Variants in EFNA5 observed in about 807,000 individuals in gnomAD.
The protein encoded by EFNA5 is ephrin A5.
EFNA5 carries 5 observed loss-of-function variants against 22.9 expected under a neutral mutation model. The ratio of observed to expected loss-of-function variants is 0.22; its 90% CI spans 0.11 to 0.46. EFNA5 has a LOEUF of 0.46. Ranked by LOEUF, EFNA5 falls within the 20% of genes least tolerant of loss-of-function variation. The pLI, the probability that EFNA5 is intolerant of heterozygous loss-of-function variation, is 0.99. For missense variants in EFNA5, 237 were observed against 293.3 expected (o/e 0.81, Z 1.40); for synonymous variants, 113 against 112.2 (o/e 1.01, Z -0.04).
intron 1 of EFNA5, among the ~76,000 whole-genome samples, chr5:107,453,879 G>A (rs562612929): frequency 2.0e-5 from 3 of 152,142 alleles, no homozygotes; most frequent in East Asian, 1.9e-4. Flanking sequence ...TGATTGTGAC[G>A]GTTTTGATTA....
intron 1 of EFNA5, among the ~76,000 whole-genome samples, chr5:107,484,713 AGTGAGATACT>A (rs1413799322): frequency 6.6e-6 from 1 of 152,202 alleles, no homozygotes; most frequent in Non-Finnish European, 1.5e-5. Flanking sequence ...TGAAGAATTA[AGTGAGATACT>A]GTATCTAACA....
intron 1 of EFNA5, among the ~76,000 whole-genome samples, chr5:107,468,986 T>C (rs558118872): frequency 1.3e-5 from 2 of 152,220 alleles, no homozygotes; most frequent in Admixed American, 1.3e-4. Context: ...CTAGCACACC[T>C]GGTAAAATTT....
intron 1 of EFNA5, among the ~76,000 whole-genome samples, chr5:107,458,974 A>AT (rs1392803318): frequency 6.6e-6 from 1 of 152,142 alleles, no homozygotes; most frequent in African/African-American, 2.4e-5. Context: ...ACAAATTTTG[A>AT]TTTTTGTACC....
At chr5:107,601,478 T>C (rs565843327) in intron 1 of EFNA5, among the ~76,000 whole-genome samples, 1 of 152,140 alleles carries the variant, frequency 6.6e-6, no homozygotes, top group Non-Finnish European at 1.5e-5. Context: ...GAATCAAGCA[T>C]ACAAAATCAA....
At chr5:107,461,948 G>C (rs987510647) in intron 1 of EFNA5, among the ~76,000 whole-genome samples, 2 of 152,110 alleles carry the variant, frequency 1.3e-5, no homozygotes, top group Non-Finnish European at 1.5e-5. Context: ...AAAGCAGCCC[G>C]GTACTTTCTG....
At chr5:107,460,404 T>C (rs767611613) in intron 1 of EFNA5, among the ~76,000 whole-genome samples, 10 of 152,164 alleles carry the variant, frequency 6.6e-5, no homozygotes, top group Non-Finnish European at 1.3e-4. Context: ...GAACTATCCA[T>C]GAGTGCAAAA....
intron 2 of EFNA5, among the ~76,000 whole-genome samples, chr5:107,413,975 A>G (rs1049076933): frequency 2.0e-5 from 3 of 152,292 alleles, no homozygotes; most frequent in African/African-American, 7.2e-5. Context: ...CTCAAGACTG[A>G]TGGTACTGTT....
At chr5:107,566,534 C>T (rs979416914) in intron 1 of EFNA5, among the ~76,000 whole-genome samples, 8 of 152,208 alleles carry the variant, frequency 5.3e-5, no homozygotes, top group Admixed American at 2.6e-4. Context: ...ATTTCCAATG[C>T]TTTTCTTAAT....
intron 2 of EFNA5, among the ~76,000 whole-genome samples, chr5:107,398,562 C>T (rs534682124): frequency 1.1e-3 from 163 of 152,054 alleles, no homozygotes; most frequent in African/African-American, 3.6e-3. Flanking sequence ...AAAAATCTGT[C>T]GAGGCCAGGC....
intron 1 of EFNA5, among the ~76,000 whole-genome samples, chr5:107,435,315 C>CTTTTTTTTTTTT (rs3999107): frequency 9.6e-4 from 100 of 104,636 alleles, no homozygotes; most frequent in African/African-American, 1.6e-3. Context: ...TGAAGATGCT[C>CTTTTTTTTTTTT]TTTTTTTTTT....
chr5:107,444,577 T>C (rs538204215), intron 1 of EFNA5, among the ~76,000 whole-genome samples: 2 of 152,354 alleles, frequency 1.3e-5, no homozygotes, highest in South Asian at 4.1e-4. Flanking sequence ...TCTTTTCAAT[T>C]TTAAATAGTC....
At chr5:107,437,061 A>G (rs1749129124) in intron 1 of EFNA5, among the ~76,000 whole-genome samples, 1 of 152,218 alleles carries the variant, frequency 6.6e-6, no homozygotes, top group Admixed American at 6.5e-5. Flanking sequence ...TGGGTTGATG[A>G]TAACTTACTG....
intron 1 of EFNA5, among the ~76,000 whole-genome samples, chr5:107,487,359 G>C (rs1239033815): frequency 6.6e-6 from 1 of 152,162 alleles, no homozygotes; most frequent in Non-Finnish European, 1.5e-5. Context: ...TAAAAACTTT[G>C]TTTAATCCCC....
chr5:107,599,776 T>C (rs530431072), intron 1 of EFNA5, among the ~76,000 whole-genome samples: 7 of 152,236 alleles, frequency 4.6e-5, no homozygotes, highest in Admixed American at 3.3e-4. Context: ...AGTATGCTTC[T>C]AGGAAAATCC....
intron 1 of EFNA5, among the ~76,000 whole-genome samples, chr5:107,452,689 T>A (rs1036133970): frequency 6.6e-6 from 1 of 152,208 alleles, no homozygotes. Flanking sequence ...ATTGAGCCAC[T>A]GTACTTACTC....
chr5:107,660,293 T>TATATAA (rs1750923746), intron 1 of EFNA5, among the ~76,000 whole-genome samples: 1 of 117,062 alleles, frequency 8.5e-6, no homozygotes, highest in Non-Finnish European at 1.8e-5. Flanking sequence ...TATATATATA[T>TATATAA]ATATATATAT....
intron 1 of EFNA5, among the ~76,000 whole-genome samples, chr5:107,499,009 G>A (rs1238081107): frequency 8.7e-6 from 1 of 114,916 alleles, no homozygotes; most frequent in African/African-American, 3.5e-5. Context: ...AGCCAAAGGA[G>A]TCTTTGATTT....
intron 2 of EFNA5, among the ~76,000 whole-genome samples, chr5:107,401,565 T>G (rs1748085054): frequency 6.6e-6 from 1 of 152,222 alleles, no homozygotes; most frequent in Non-Finnish European, 1.5e-5. Flanking sequence ...TCCCCCATAC[T>G]ATCAAATTCT....
intron 1 of EFNA5, among the ~76,000 whole-genome samples, chr5:107,455,786 T>A (rs1374435624): frequency 6.6e-6 from 1 of 152,212 alleles, no homozygotes; most frequent in African/African-American, 2.4e-5. Flanking sequence ...TGGTTATGGA[T>A]AATTCTTTCC....
Sources: allele counts gnomAD v4.1 joint callset (sites outside exome capture counted in the v4.1 genomes callset), GRCh38; gene constraint gnomAD v4.1.1; transcripts MANE v1.5; gene names NCBI Gene and HGNC (gene_info 2026-07-23, HGNC 2026-07-21).